Variants in SLCO1B3 observed in about 807,000 individuals in gnomAD.
SLCO1B3 encodes solute carrier organic anion transporter family member 1B3.
In SLCO1B3, 72 loss-of-function variants were observed where a neutral mutation model predicts 71.8. The ratio of observed to expected loss-of-function variants is 1.00; its 90% CI spans 0.83 to 1.22. The LOEUF (loss-of-function observed/expected upper bound fraction) is 1.22, where lower values mean the gene tolerates loss of function less well. SLCO1B3 is among the 50% of genes most tolerant of loss of function. SLCO1B3 has a pLI of 0.00. For missense variants in SLCO1B3, 911 were observed against 819.7 expected (o/e 1.11, Z -1.36); for synonymous variants, 298 against 278.4 (o/e 1.07, Z -0.70).
chr12:20,879,691 G>T, intron 11 of SLCO1B3, 60 bp downstream of exon 11: 1 of 1,126,370 alleles, frequency 8.9e-7, no homozygotes, highest in Admixed American at 2.7e-5. Flanking sequence ...AAAAGATTAT[G>T]TGCAAGTAAA....
chr12:20,841,716 C>T (rs932844780), intron 3 of SLCO1B3, among the ~76,000 whole-genome samples: 1 of 152,054 alleles, frequency 6.6e-6, no homozygotes, highest in African/African-American at 2.4e-5. Context: ...TTTTAGATTT[C>T]ACCCTCCTCC....
chr12:20,874,639 G>A (rs1012727133), intron 8 of SLCO1B3, among the ~76,000 whole-genome samples: 4 of 152,180 alleles, frequency 2.6e-5, no homozygotes, highest in African/African-American at 9.6e-5. Flanking sequence ...AAATAAAATG[G>A]TTAAATGATT....
chr12:20,832,037 C>G (rs190701925), intron 3 of SLCO1B3, among the ~76,000 whole-genome samples: 1 of 152,320 alleles, frequency 6.6e-6, no homozygotes, highest in African/African-American at 2.4e-5. Flanking sequence ...GAGCCAAGGT[C>G]TGAATTCAGG....
At chr12:20,853,126 A>G (rs971817560) in intron 3 of SLCO1B3, among the ~76,000 whole-genome samples, 1 of 152,024 alleles carries the variant, frequency 6.6e-6, no homozygotes, top group Non-Finnish European at 1.5e-5. Context: ...CTGGATCATG[A>G]TGTGATTTTT....
At position 20,823,009 on chromosome 12, in the gene SLCO1B3, A is replaced by G. The variant is rs1011454534; in HGVS notation, c.84+7187A>G. On this transcript the variant is annotated intron_variant, in intron 3 of 15. Transcript: ENST00000381545. ...GCTGTGATGTTTTATTCCTAGACCA[A>G]TAGATCCCACGTTATTAGGAATGCT... is the stretch of plus-strand genomic sequence containing the variant. Among the ~76,000 whole-genome samples, 9 of 152,254 alleles carry G rather than the reference A, an allele frequency of 5.9e-5. No individual in the cohort carries two copies. The East Asian group carries it at 1.4e-3, about 23-fold the overall frequency.
chr12:20,910,766 T>C (rs1024959523), intron 15 of SLCO1B3, among the ~76,000 whole-genome samples: 23 of 152,314 alleles, frequency 1.5e-4, no homozygotes, highest in African/African-American at 5.3e-4. Context: ...TGTTCATTGC[T>C]GATTTATAGG....
At chr12:20,874,046 A>G (rs11045574) in intron 8 of SLCO1B3, among the ~76,000 whole-genome samples, 110,106 of 152,026 alleles carry the variant, frequency 0.72, 42,469 homozygotes, top group South Asian at 0.9. Context: ...TTGCTATTGT[A>G]AATAATGCTG....
At chr12:20,825,728 G>T (rs1171147391) in intron 3 of SLCO1B3, among the ~76,000 whole-genome samples, 1 of 149,954 alleles carries the variant, frequency 6.7e-6, no homozygotes, top group African/African-American at 2.5e-5. Context: ...GGATTTGGGA[G>T]GCAGAGATTG....
At chr12:20,860,966 G>GA in intron 5 of SLCO1B3, 51 bp from the exon 6 acceptor site, 15 of 1,496,856 alleles carry the variant, frequency 1.0e-5, no homozygotes, top group Admixed American at 2.3e-5. Context: ...TGGGAAAACT[G>GA]AAAATATTCA....
At chr12:20,895,181 A>G (rs1465041283) in intron 13 of SLCO1B3, among the ~76,000 whole-genome samples, 2 of 152,106 alleles carry the variant, frequency 1.3e-5, no homozygotes, top group African/African-American at 2.4e-5. Context: ...AAACCATTTC[A>G]TTCCACCCCT....
chr12:20,906,757 T>G (rs1401288796), intron 15 of SLCO1B3, among the ~76,000 whole-genome samples: 7 of 152,188 alleles, frequency 4.6e-5, no homozygotes, highest in Non-Finnish European at 7.4e-5. Context: ...AGTTCTGTTA[T>G]TATCAATGAA....
chr12:20,913,427 CTA>C (rs915842772), intron 15 of SLCO1B3, among the ~76,000 whole-genome samples: 5 of 152,156 alleles, frequency 3.3e-5, no homozygotes, highest in African/African-American at 1.2e-4. Flanking sequence ...CTTTGCAGCT[CTA>C]TCATTTTCTC....
chr12:20,916,479 A>G lies in SLCO1B3; in HGVS notation c.*232A>G, dbSNP rs900059177. 6.0e-6 allele frequency: 2 copies of G among 330,972 alleles called. No homozygotes were observed. Among genetic ancestry groups the G allele is most frequent in the African/African-American group, 4.2e-5 (2 of 48,166 alleles). 20.5% of individuals were successfully genotyped at this position (330,972 alleles called of 1,614,324 possible). A position where few individuals can be genotyped will look rare whatever the true frequency, so the allele number is the denominator to read the frequency against. ...GGCATGGTTAGTGTGTGATACAATA[A>G]AAAGTAATTGTTTGGTAGTTGTAAC... On this transcript the variant is annotated 3_prime_UTR_variant, in exon 16 of 16. Transcript: ENST00000381545.
chr12:20,914,565 A>G lies in SLCO1B3; in HGVS notation c.1866-1439A>G, dbSNP rs924984631. 3.9e-5 allele frequency among the ~76,000 whole-genome samples: 6 copies of G among 152,140 alleles called. No individual in the cohort carries two copies. The East Asian group carries it at 9.6e-4, about 24-fold the overall frequency. ...AAACTGATTTCTATTAAATCAATTTAGAATAATTTTTTTATTTAACCTTAA... is the reference window on the plus strand; with the variant it reads ...AAACTGATTTCTATTAAATCAATTTGGAATAATTTTTTTATTTAACCTTAA... On this transcript the variant is annotated intron_variant, in intron 15 of 15. Coordinates refer to ENST00000381545, the MANE Select transcript of SLCO1B3 (RefSeq NM_019844.4).
intron 15 of SLCO1B3, among the ~76,000 whole-genome samples, chr12:20,909,000 A>G (rs962973875): frequency 6.6e-6 from 1 of 152,072 alleles, no homozygotes; most frequent in Non-Finnish European, 1.5e-5. Flanking sequence ...TTGCATTTTG[A>G]CCAACAATGA....
At chr12:20,901,772 T>C (rs1866138549) in intron 15 of SLCO1B3, 1 of 327,082 alleles carries the variant, frequency 3.1e-6, no homozygotes, top group African/African-American at 2.3e-5. Context: ...CTTGAATCTC[T>C]TTTGATTACA....
chr12:20,896,810 T>C (rs1866016448), intron 13 of SLCO1B3, among the ~76,000 whole-genome samples: 1 of 152,216 alleles, frequency 6.6e-6, no homozygotes, highest in African/African-American at 2.4e-5. Context: ...TACCTGAGAC[T>C]GGGCGATTTA....
intron 13 of SLCO1B3, among the ~76,000 whole-genome samples, chr12:20,885,852 G>A (rs12832318): frequency 0.12 from 18,975 of 151,956 alleles, 1,327 homozygotes; most frequent in Middle Eastern, 0.23. Flanking sequence ...AGCCCCAGAG[G>A]GTTTAAGCAT....
At chr12:20,891,084 G>A (rs1201096258) in intron 13 of SLCO1B3, among the ~76,000 whole-genome samples, 1 of 152,060 alleles carries the variant, frequency 6.6e-6, no homozygotes, top group Admixed American at 6.6e-5. Context: ...TTGCTTTGCA[G>A]TCTCAATTAG....
Sources: allele counts gnomAD v4.1 joint callset (sites outside exome capture counted in the v4.1 genomes callset), GRCh38; gene constraint gnomAD v4.1.1; transcripts MANE v1.5; gene names NCBI Gene and HGNC (gene_info 2026-07-23, HGNC 2026-07-21).